ARPC1A: variants seen among roughly 807,000 people sequenced by gnomAD.
The protein encoded by ARPC1A is actin-related protein 2/3 complex subunit 1A.
In ARPC1A, 8 loss-of-function variants were observed where a neutral mutation model predicts 46.9. That is an observed-to-expected ratio of 0.17 (90% CI 0.10 to 0.31). The LOEUF (loss-of-function observed/expected upper bound fraction) is 0.31, where lower values mean the gene tolerates loss of function less well. Among genes scored for constraint, ARPC1A ranks in the 10% least tolerant of loss-of-function variants. ARPC1A has a pLI of 1.00. For missense variants in ARPC1A, 286 were observed against 483.6 expected, an observed-to-expected ratio of 0.59 and a Z score of 3.83; for synonymous variants, 152 against 169.0, an observed-to-expected ratio of 0.90 and a Z score of 0.78.
Position 99,365,735 on chromosome 7 carries a change from C to T in ARPC1A, c.1075-156C>T, listed in dbSNP as rs542298788. On this transcript the variant is annotated intron_variant, in intron 9 of 9. Coordinates refer to ENST00000262942, the MANE Select transcript of ARPC1A (RefSeq NM_006409.4). ...GGAGCCCCGGCCTGGAGTGTCTCTG[C>T]GGGGTGAGTCCTGGGAGATCCTGTT... 4.3e-4 allele frequency among the ~76,000 whole-genome samples: 65 copies of T among 152,136 alleles called. No homozygotes were observed. The South Asian group carries it at 7.7e-3, about 18-fold the overall frequency.
intron 8 of ARPC1A, among the ~76,000 whole-genome samples, chr7:99,360,940 CAAAA>C (rs34464636): frequency 1.2e-5 from 1 of 80,190 alleles, no homozygotes; most frequent in Admixed American, 1.4e-4. Context: ...GACTCCGTCT[CAAAA>C]AAAAAAAAAA....
intron 8 of ARPC1A, among the ~76,000 whole-genome samples, chr7:99,362,498 A>ATT (rs565535347): frequency 0.11 from 14,639 of 132,014 alleles, 1,179 homozygotes; most frequent in East Asian, 0.31. Context: ...TGCCTGGCTA[A>ATT]TTTTTTTTTT....
chr7:99,346,009 T>G (rs779679930), intron 4 of ARPC1A, among the ~76,000 whole-genome samples: 73 of 151,770 alleles, frequency 4.8e-4, no homozygotes, highest in Non-Finnish European at 9.7e-4. Flanking sequence ...AGGTCAGGAG[T>G]TCGAGACCAG....
intron 2 of ARPC1A, among the ~76,000 whole-genome samples, chr7:99,334,744 C>T (rs999485143): frequency 6.6e-6 from 1 of 152,102 alleles, no homozygotes; most frequent in Non-Finnish European, 1.5e-5. Context: ...TGCAGTGGTG[C>T]AATCTCGGCT....
chr7:99,333,275 C>A, intron 1 of ARPC1A, 50 bp from the exon 2 acceptor site: 1 of 1,176,098 alleles, frequency 8.5e-7, no homozygotes, highest in Non-Finnish European at 1.3e-6. Context: ...ACATTGGTTA[C>A]TTGCCTTTTC....
intron 9 of ARPC1A, among the ~76,000 whole-genome samples, chr7:99,364,612 G>A (rs965667838): frequency 6.6e-6 from 1 of 151,926 alleles, no homozygotes; most frequent in African/African-American, 2.4e-5. Context: ...GCAGAAGAAC[G>A]GCACATTCTC....
Position 99,346,290 on chromosome 7 carries a change from A to G in ARPC1A, c.392+1775A>G, listed in dbSNP as rs1562799596. Among the ~76,000 whole-genome samples the G allele has an allele frequency of 2.6e-5, 4 of 152,202 alleles. No homozygotes were observed. In the South Asian group the frequency reaches 8.3e-4, roughly 31 times the overall value. ...TTTCAAATGTGAAATCAAGGCTAACAAAATGTTACCTGCTAGAAACTATTT... is the reference window on the plus strand; with the variant it reads ...TTTCAAATGTGAAATCAAGGCTAACGAAATGTTACCTGCTAGAAACTATTT... On this transcript the variant is annotated intron_variant, in intron 4 of 9. Coordinates refer to ENST00000262942, the MANE Select transcript of ARPC1A (RefSeq NM_006409.4).
At chr7:99,342,942 T>G (rs1485029576) in intron 3 of ARPC1A, among the ~76,000 whole-genome samples, 1 of 151,922 alleles carries the variant, frequency 6.6e-6, no homozygotes, top group African/African-American at 2.4e-5. Flanking sequence ...CAGGATAGTC[T>G]CGATCTCCTA....
rs1303650803 is a variant in ARPC1A, at chr7:99,341,505, A to C, written c.170-2788A>C. 2.0e-5 allele frequency among the ~76,000 whole-genome samples: 3 copies of C among 151,598 alleles called. No homozygotes were observed. The East Asian group carries it at 5.8e-4, about 29-fold the overall frequency. The stretch of plus-strand genomic sequence containing the variant: ...ATGCCTGTAATCCCAGCTACTCAGG[A>C]GGCTGAGGCAGGAGAATTGCTTGAA... On this transcript the variant is annotated intron_variant, in intron 3 of 9. Transcript: ENST00000262942.
chr7:99,351,458 A>G (rs952693513), intron 5 of ARPC1A, among the ~76,000 whole-genome samples: 3 of 152,066 alleles, frequency 2.0e-5, no homozygotes, highest in South Asian at 2.1e-4. Flanking sequence ...GCCTCGAGCT[A>G]TCCACCTGCC....
Position 99,335,004 on chromosome 7 carries a change from C to G in ARPC1A, c.64+1587C>G, listed in dbSNP as rs1179203098. On this transcript the variant is annotated intron_variant, in intron 2 of 9. Coordinates refer to ENST00000262942, the MANE Select transcript of ARPC1A (RefSeq NM_006409.4). ...GACTACAGGCACCAGCCACCATGCTCGGCTAATTTTTTTTGTATTTTTAGT... is the reference window on the plus strand; with the variant it reads ...GACTACAGGCACCAGCCACCATGCTGGGCTAATTTTTTTTGTATTTTTAGT... Among the ~76,000 whole-genome samples the G allele has an allele frequency of 2.0e-5, 3 of 152,304 alleles. No homozygotes were observed. The East Asian group carries it at 5.8e-4, about 29-fold the overall frequency.
At chr7:99,337,952 T>C (rs1793283745) in intron 2 of ARPC1A, among the ~76,000 whole-genome samples, 2 of 152,186 alleles carry the variant, frequency 1.3e-5, no homozygotes, top group South Asian at 4.1e-4. Context: ...TACGTGTCTC[T>C]GGGAAAATGA....
At chr7:99,333,043 T>C (rs1793174447) in intron 1 of ARPC1A, among the ~76,000 whole-genome samples, 1 of 152,052 alleles carries the variant, frequency 6.6e-6, no homozygotes, top group South Asian at 2.1e-4. Context: ...ACTAGAGGCG[T>C]GTGCCACCAC....
At position 99,340,217 on chromosome 7, in the gene ARPC1A, G is replaced by A. The variant is rs150394533; in HGVS notation, c.169+1932G>A. ...TCATTCTGTCGTCTAGGCTGAAATG[G>A]AGTGGTACAGTCTTGGCTGACTGCA... is the stretch of plus-strand genomic sequence containing the variant. On this transcript the variant is annotated intron_variant, in intron 3 of 9. Transcript: ENST00000262942. 7.6e-4 allele frequency among the ~76,000 whole-genome samples: 115 copies of A among 152,146 alleles called. No homozygotes were observed. In the Middle Eastern group the frequency reaches 0.014, roughly 18 times the overall value.
intron 3 of ARPC1A, chr7:99,340,140 T>C: frequency 2.5e-6 from 1 of 401,600 alleles, no homozygotes; most frequent in South Asian, 1.7e-5. Flanking sequence ...TTTTTGTCTT[T>C]TTTCTGTTTT....
chr7:99,354,363 A>T (rs1228490247), intron 6 of ARPC1A, among the ~76,000 whole-genome samples: 1 of 151,380 alleles, frequency 6.6e-6, no homozygotes, highest in East Asian at 2.0e-4. Context: ...TCTACTAAAA[A>T]TAAAAAAAAT....
At chr7:99,354,258 C>G (rs985448528) in intron 6 of ARPC1A, 137 bp downstream of exon 6, 1 of 1,008,230 alleles carries the variant, frequency 9.9e-7, no homozygotes, top group Admixed American at 2.9e-5. Context: ...CGTGGTGGCT[C>G]ACGCCTGTAA....
At chr7:99,350,545 G>A (rs1004009867) in intron 5 of ARPC1A, among the ~76,000 whole-genome samples, 2 of 148,240 alleles carry the variant, frequency 1.3e-5, no homozygotes, top group Non-Finnish European at 3.0e-5. Context: ...TCAAGAATAT[G>A]CTTTTTTCCC....
rs905303905 is a variant in ARPC1A, at chr7:99,365,675, G to T, written c.1075-216G>T. Among the ~76,000 whole-genome samples, 12 of 152,136 alleles carry T rather than the reference G, an allele frequency of 7.9e-5. No homozygotes were observed. In the South Asian group the frequency reaches 2.5e-3, roughly 32 times the overall value. On this transcript the variant is annotated intron_variant, in intron 9 of 9. Transcript: ENST00000262942. Reference sequence around the variant, plus strand: ...CAGAGCCTGTGTGTGTGGCAGTGGGGAAAAGGCACACCTGGCCTGGAGGAG... The same window carrying T: ...CAGAGCCTGTGTGTGTGGCAGTGGGTAAAAGGCACACCTGGCCTGGAGGAG...
Sources: gnomAD v4.1 joint callset for allele counts (sites outside exome capture counted in the v4.1 genomes callset) on GRCh38, gnomAD v4.1.1 for gene constraint, MANE v1.5 for transcripts, NCBI Gene and HGNC (gene_info 2026-07-23, HGNC 2026-07-21) for gene names.